The following DENND11 variants were observed in gnomAD, a reference collection of about 807,000 sequenced individuals.
The protein encoded by DENND11 is DENN domain containing 11.
A neutral mutation model predicts 49.2 loss-of-function variants in DENND11; 34 were observed. The observed-to-expected ratio is 0.69, with a 90% CI of 0.53 to 0.92. DENND11 has a LOEUF of 0.92. DENND11 is among the 40% of genes least tolerant of loss of function. The probability of loss-of-function intolerance (pLI) is 0.00; values close to 1 mark genes in which losing one functional copy is unlikely to be tolerated. For missense variants in DENND11, 475 were observed against 581.6 expected (o/e 0.82, Z 1.88); for synonymous variants, 238 against 230.3 (o/e 1.03, Z -0.30).
chr7:141,688,620 A>T (rs1248382660), intron 1 of DENND11, among the ~76,000 whole-genome samples: 1 of 152,204 alleles, frequency 6.6e-6, no homozygotes, highest in East Asian at 1.9e-4. Context: ...GACCTTGGGG[A>T]TAAGACGAGT....
At position 141,657,922 on chromosome 7, in the gene DENND11, G is replaced by A. The variant is rs990660505; in HGVS notation, c.*4734C>T. ...TCTCAAGAAAGAGGCCTAAAAATAA[G>A]AATGATGACATTTACCCTTTTTTGT... On this transcript the variant is annotated 3_prime_UTR_variant, in exon 9 of 9. Transcript: ENST00000536163. 6.6e-6 allele frequency: 1 copy of A among 152,558 alleles called. No homozygotes were observed. Among genetic ancestry groups the A allele is most frequent in the Non-Finnish European group, 1.5e-5 (1 of 68,028 alleles). 9.5% of individuals were successfully genotyped at this position (152,558 alleles called of 1,614,324 possible). A position where few individuals can be genotyped will look rare whatever the true frequency, so the allele number is the denominator to read the frequency against.
intron 5 of DENND11, 95 bp from the exon 6 acceptor site, chr7:141,665,413 C>A (rs1044384808): frequency 6.6e-7 from 1 of 1,518,294 alleles, no homozygotes; most frequent in Non-Finnish European, 8.9e-7. Context: ...TCCAGGCTAT[C>A]TGGTGCTTCA....
intron 1 of DENND11, chr7:141,701,594 G>T: frequency 4.8e-6 from 1 of 206,858 alleles, no homozygotes; most frequent in Non-Finnish European, 9.6e-6. Flanking sequence ...CCACTGTGGG[G>T]CTGGGACTCA....
chr7:141,692,744 C>T (rs1306260131), intron 1 of DENND11, among the ~76,000 whole-genome samples: 5 of 152,024 alleles, frequency 3.3e-5, no homozygotes, highest in Non-Finnish European at 7.4e-5. Context: ...ACCTGGGAGG[C>T]TGGGGTGGGA....
At chr7:141,667,004 A>G (rs1797906390) in intron 4 of DENND11, among the ~76,000 whole-genome samples, 1 of 152,098 alleles carries the variant, frequency 6.6e-6, no homozygotes, top group Non-Finnish European at 1.5e-5. Context: ...GGCTCACTGC[A>G]ACCTCTACCT....
Position 141,657,619 on chromosome 7 carries a change from A to G in DENND11, c.*5037T>C, listed in dbSNP as rs553520973. On this transcript the variant is annotated 3_prime_UTR_variant, in exon 9 of 9. Transcript: ENST00000536163. Reference sequence around the variant, plus strand: ...TATTGTTAGTCTAAATAAGCATTCTATAGCAAACATAAGTAATTCACACCT... The same window carrying G: ...TATTGTTAGTCTAAATAAGCATTCTGTAGCAAACATAAGTAATTCACACCT... 1 of 152,328 alleles carries G rather than the reference A, an allele frequency of 6.6e-6. No homozygotes were observed. Among genetic ancestry groups the G allele is most frequent in the Non-Finnish European group, 1.5e-5 (1 of 68,038 alleles). The allele number at this position is 152,328 out of a possible 1,614,324, so 9.4% of individuals were successfully genotyped here.
chr7:141,693,043 A>G (rs1798351275), intron 1 of DENND11, among the ~76,000 whole-genome samples: 1 of 152,204 alleles, frequency 6.6e-6, no homozygotes, highest in Non-Finnish European at 1.5e-5. Flanking sequence ...CTTCTGATCT[A>G]TGAGAGACAC....
chr7:141,664,531 A>G (rs1207849277), intron 7 of DENND11, among the ~76,000 whole-genome samples: 1 of 152,210 alleles, frequency 6.6e-6, no homozygotes, highest in Non-Finnish European at 1.5e-5. Flanking sequence ...AGATACATAT[A>G]AGCAAGCTTC....
chr7:141,663,675 T>C (rs937319785), intron 8 of DENND11: 1 of 152,826 alleles, frequency 6.5e-6, no homozygotes, highest in Non-Finnish European at 1.5e-5. Context: ...ATTCAGTTGA[T>C]GCCACAGAAG....
intron 1 of DENND11, among the ~76,000 whole-genome samples, chr7:141,698,367 A>G (rs375569486): frequency 9.2e-5 from 14 of 152,350 alleles, no homozygotes; most frequent in African/African-American, 3.4e-4. Context: ...TGAAACAGCA[A>G]TATTCTGGCT....
At chr7:141,676,860 T>C (rs1229164902) in intron 3 of DENND11, among the ~76,000 whole-genome samples, 1 of 152,048 alleles carries the variant, frequency 6.6e-6, no homozygotes, top group East Asian at 1.9e-4. Flanking sequence ...CTATGGAAAC[T>C]GTCCAAGAGC....
chr7:141,673,909 A>T (rs1364252377), intron 4 of DENND11, among the ~76,000 whole-genome samples, 158 bp downstream of exon 4: 1 of 152,238 alleles, frequency 6.6e-6, no homozygotes, highest in Non-Finnish European at 1.5e-5. Flanking sequence ...CTTATGTTTT[A>T]AAAAAACCAA....
At chr7:141,668,410 C>T (rs571293225) in intron 4 of DENND11, among the ~76,000 whole-genome samples, 6 of 152,188 alleles carry the variant, frequency 3.9e-5, no homozygotes, top group Admixed American at 2.6e-4. Context: ...CATGGTGAAA[C>T]CCCATCTCTA....
At chr7:141,671,407 C>A (rs1374468408) in intron 4 of DENND11, among the ~76,000 whole-genome samples, 1 of 152,200 alleles carries the variant, frequency 6.6e-6, no homozygotes, top group East Asian at 1.9e-4. Flanking sequence ...AAACTCTCGA[C>A]CTCAAGTGAT....
At chr7:141,696,142 T>G (rs966360204) in intron 1 of DENND11, among the ~76,000 whole-genome samples, 1 of 152,202 alleles carries the variant, frequency 6.6e-6, no homozygotes. Flanking sequence ...CCCTGCCACT[T>G]CACAGCTCCA....
intron 3 of DENND11, among the ~76,000 whole-genome samples, chr7:141,685,110 AAAG>A (rs1165087747): frequency 1.3e-5 from 2 of 149,900 alleles, no homozygotes; most frequent in Non-Finnish European, 3.0e-5. Flanking sequence ...CCCAATAATA[AAAG>A]AAGTAGGCTT....
In DENND11 at chr7:141,659,610, A is replaced by G. The variant is rs1797757472; in HGVS notation, c.*3046T>C. ...ACTTCTTCTGACTTATTCAGGAACA[A>G]CAGGGCAGCCCAGCCAGCATCTCAG... On this transcript the variant is annotated 3_prime_UTR_variant, in exon 9 of 9. Coordinates refer to ENST00000536163, the MANE Select transcript of DENND11 (RefSeq NM_001080392.2). 1 of 152,382 alleles carries G rather than the reference A, an allele frequency of 6.6e-6. No individual in the cohort carries two copies. Among genetic ancestry groups the G allele is most frequent in the Non-Finnish European group, 1.5e-5 (1 of 68,202 alleles). The allele number at this position is 152,382 out of a possible 1,614,324, so 9.4% of individuals were successfully genotyped here. A position where few individuals can be genotyped will look rare whatever the true frequency, so the allele number is the denominator to read the frequency against.
Position 141,662,631 on chromosome 7 carries a change from T to C in DENND11, c.*25A>G, listed in dbSNP as rs6949729. ...CGGGCTGCTGACATCCCACGTGAAG[T>C]GGCTCCCAGTCCTGTTGGCTCCTCC... On this transcript the variant is annotated 3_prime_UTR_variant, in exon 9 of 9. Coordinates refer to ENST00000536163, the MANE Select transcript of DENND11 (RefSeq NM_001080392.2). The C allele has an allele frequency of 0.99, 1,478,358 of 1,496,878 alleles. 730,059 individuals are homozygous for C. Among genetic ancestry groups the C allele is most frequent in the East Asian group, 1 (40,869 of 40,874 alleles). 92.7% of individuals were successfully genotyped at this position (1,496,878 alleles called of 1,614,324 possible).
At chr7:141,685,280 C>T (rs372970916) in intron 3 of DENND11, among the ~76,000 whole-genome samples, 198 bp downstream of exon 3, 2 of 152,166 alleles carry the variant, frequency 1.3e-5, no homozygotes, top group East Asian at 3.9e-4. Flanking sequence ...CCCCAGCTTT[C>T]ATTATAGAGT....
Sources: gnomAD v4.1 joint callset for allele counts (sites outside exome capture counted in the v4.1 genomes callset) on GRCh38, gnomAD v4.1.1 for gene constraint, MANE v1.5 for transcripts, NCBI Gene and HGNC (gene_info 2026-07-23, HGNC 2026-07-21) for gene names.